PAK5: variants seen among roughly 807,000 people sequenced by gnomAD.
The protein encoded by PAK5 is p21 (RAC1) activated kinase 5.
In PAK5, 16 loss-of-function variants were observed where a neutral mutation model predicts 65.9. The observed-to-expected ratio is 0.24, with a 90% CI of 0.16 to 0.37. The LOEUF (loss-of-function observed/expected upper bound fraction) is 0.37. Among genes scored for constraint, PAK5 ranks in the 10% least tolerant of loss-of-function variants. The probability of loss-of-function intolerance (pLI) is 1.00; values close to 1 mark genes in which losing one functional copy is unlikely to be tolerated. For missense variants in PAK5, 785 were observed against 903.9 expected (o/e 0.87, Z 1.69); for synonymous variants, 371 against 354.9 (o/e 1.05, Z -0.51).
intron 3 of PAK5, among the ~76,000 whole-genome samples, chr20:9,640,987 G>A (rs2047051079): frequency 6.6e-6 from 1 of 152,184 alleles, no homozygotes; most frequent in Admixed American, 6.5e-5. Context: ...TGCCAATGCT[G>A]GCTCGGGCAG....
At chr20:9,708,378 T>TTA (rs1278628062) in intron 2 of PAK5, among the ~76,000 whole-genome samples, 7 of 152,050 alleles carry the variant, frequency 4.6e-5, no homozygotes, top group East Asian at 3.9e-4. Flanking sequence ...ATTGTGGTGA[T>TTA]TATATATATA....
At chr20:9,594,501 G>C (rs1371965850) in intron 3 of PAK5, among the ~76,000 whole-genome samples, 1 of 152,162 alleles carries the variant, frequency 6.6e-6, no homozygotes, top group South Asian at 2.1e-4. Flanking sequence ...CATTGAAAAG[G>C]ATGCTGATTT....
Position 9,546,370 on chromosome 20 carries a change from T to G in PAK5, c.1744-1876A>C, listed in dbSNP as rs766047278. 1.2e-4 allele frequency among the ~76,000 whole-genome samples: 19 copies of G among 152,278 alleles called. No homozygotes were observed. The Middle Eastern group carries it at 0.01, about 82-fold the overall frequency. On this transcript the variant is annotated intron_variant, in intron 7 of 9. Coordinates refer to ENST00000353224, the MANE Select transcript of PAK5 (RefSeq NM_177990.4). ...TTAGCATTAACTGGAGTTCAATGTG[T>G]TTTTTTAACAGTTTAAAAATTTACA...
intron 3 of PAK5, among the ~76,000 whole-genome samples, chr20:9,593,930 AC>A (rs2046219546): frequency 6.6e-6 from 1 of 152,078 alleles, no homozygotes; most frequent in Admixed American, 6.6e-5. Context: ...TTAAGAATGC[AC>A]CTTGAGGATT....
chr20:9,551,453 T>A (rs1247472598), intron 7 of PAK5, among the ~76,000 whole-genome samples: 1 of 152,058 alleles, frequency 6.6e-6, no homozygotes, highest in African/African-American at 2.4e-5. Context: ...AAACATGAGA[T>A]CCTATCCATC....
At chr20:9,723,106 G>C (rs142146784) in intron 1 of PAK5, among the ~76,000 whole-genome samples, 1 of 152,232 alleles carries the variant, frequency 6.6e-6, no homozygotes. Context: ...GTGGAGCAGC[G>C]GGTGCATGAT....
chr20:9,752,654 A>G (rs528753034), intron 1 of PAK5, among the ~76,000 whole-genome samples: 29 of 152,298 alleles, frequency 1.9e-4, no homozygotes, highest in Non-Finnish European at 2.4e-4. Context: ...AAAAATTTAA[A>G]AATAAGACTA....
chr20:9,798,090 G>A (rs2049126330), intron 1 of PAK5, among the ~76,000 whole-genome samples: 1 of 152,082 alleles, frequency 6.6e-6, no homozygotes, highest in Non-Finnish European at 1.5e-5. Flanking sequence ...GGGGTTGGGA[G>A]TCCAAAGGAA....
chr20:9,588,459 G>A (rs969186328), intron 3 of PAK5, among the ~76,000 whole-genome samples: 1 of 152,140 alleles, frequency 6.6e-6, no homozygotes, highest in African/African-American at 2.4e-5. Context: ...GTTGCAAAAT[G>A]TAAATGTTTG....
intron 4 of PAK5, among the ~76,000 whole-genome samples, chr20:9,574,480 G>A (rs184573152): frequency 7.9e-5 from 12 of 152,322 alleles, no homozygotes; most frequent in Admixed American, 7.2e-4. Flanking sequence ...CTGCAGTGAT[G>A]TGGAGGGACT....
At chr20:9,665,162 C>T (rs572054371) in intron 2 of PAK5, among the ~76,000 whole-genome samples, 4 of 145,382 alleles carry the variant, frequency 2.8e-5, no homozygotes, top group South Asian at 2.3e-4. Flanking sequence ...TCAAGAGATC[C>T]TCCCACCTTG....
chr20:9,815,990 C>A (rs1038667812), intron 1 of PAK5, among the ~76,000 whole-genome samples: 31 of 152,142 alleles, frequency 2.0e-4, no homozygotes, highest in African/African-American at 7.0e-4. Context: ...CAATAGAACT[C>A]CCTAGTTCTG....
At chr20:9,663,956 G>C (rs1297509607) in intron 2 of PAK5, among the ~76,000 whole-genome samples, 3 of 152,130 alleles carry the variant, frequency 2.0e-5, no homozygotes, top group Admixed American at 6.5e-5. Context: ...ACATTGCAAT[G>C]CTACATAGCA....
intron 1 of PAK5, among the ~76,000 whole-genome samples, chr20:9,837,588 T>C (rs1979248977): frequency 6.6e-6 from 1 of 152,198 alleles, no homozygotes; most frequent in Non-Finnish European, 1.5e-5. Flanking sequence ...GTCAATTTCA[T>C]AGAATTCTAG....
intron 7 of PAK5, among the ~76,000 whole-genome samples, chr20:9,551,212 G>A (rs1006466998): frequency 6.6e-6 from 1 of 152,160 alleles, no homozygotes; most frequent in South Asian, 2.1e-4. Context: ...GTACAATAAA[G>A]CACTGTAGGC....
At chr20:9,576,444 T>G (rs1169578933) in intron 4 of PAK5, among the ~76,000 whole-genome samples, 1 of 152,036 alleles carries the variant, frequency 6.6e-6, no homozygotes, top group Admixed American at 6.6e-5. Flanking sequence ...GCTATGGACG[T>G]CTAGAGGGGA....
chr20:9,619,796 T>C (rs930641167), intron 3 of PAK5, among the ~76,000 whole-genome samples: 3 of 152,240 alleles, frequency 2.0e-5, no homozygotes, highest in Non-Finnish European at 2.9e-5. Context: ...AATTGTTTAC[T>C]TCCCTCCCTT....
At chr20:9,704,965 C>T (rs6108331) in intron 2 of PAK5, among the ~76,000 whole-genome samples, 57,102 of 152,058 alleles carry the variant, frequency 0.38, 11,139 homozygotes, top group South Asian at 0.53. Context: ...AGGAGCAAGA[C>T]GCTCTCAACC....
At chr20:9,620,332 A>G (rs2046746231) in intron 3 of PAK5, among the ~76,000 whole-genome samples, 1 of 152,244 alleles carries the variant, frequency 6.6e-6, no homozygotes, top group Admixed American at 6.5e-5. Flanking sequence ...AAAGGGAACA[A>G]TGAAAATTTG....
Sources: allele counts gnomAD v4.1 joint callset (sites outside exome capture counted in the v4.1 genomes callset), GRCh38; gene constraint gnomAD v4.1.1; transcripts MANE v1.5; gene names NCBI Gene and HGNC (gene_info 2026-07-23, HGNC 2026-07-21).